Variants in DTNA observed in about 807,000 individuals in gnomAD.
The protein encoded by DTNA is dystrophin-related protein 3.
In DTNA, 43 loss-of-function variants were observed where a neutral mutation model predicts 100.7. The observed-to-expected ratio is 0.43, with a 90% CI of 0.33 to 0.55. The LOEUF (loss-of-function observed/expected upper bound fraction) is 0.55. DTNA is among the 20% of genes least tolerant of loss of function. The pLI, the probability that DTNA is intolerant of heterozygous loss-of-function variation, is 0.04. For synonymous variants in DTNA, 349 were observed against 347.9 expected (o/e 1.00, Z -0.04); for missense variants, 798 against 953.9 (o/e 0.84, Z 2.15).
intron 1 of DTNA, among the ~76,000 whole-genome samples, chr18:34,506,971 G>A (rs183892585): frequency 6.4e-4 from 97 of 152,246 alleles, no homozygotes; most frequent in Non-Finnish European, 1.2e-3. Context: ...GATTCTCAGA[G>A]GATAAACCTC....
chr18:34,862,956 A>G (rs917922910), intron 16 of DTNA, among the ~76,000 whole-genome samples: 3 of 152,346 alleles, frequency 2.0e-5, no homozygotes, highest in Middle Eastern at 3.4e-3. Flanking sequence ...AGTTTCATTT[A>G]ATATGCTATC....
At chr18:34,493,770 G>T (rs1057055217) in intron 1 of DTNA, 1 of 148,864 alleles carries the variant, frequency 6.7e-6, no homozygotes, top group Non-Finnish European at 1.5e-5. Flanking sequence ...GGCAGGCGCC[G>T]CGCACCGAGC....
At chr18:34,611,646 CAG>C (rs2054231618) in intron 1 of DTNA, among the ~76,000 whole-genome samples, 1 of 152,124 alleles carries the variant, frequency 6.6e-6, no homozygotes, top group Non-Finnish European at 1.5e-5. Context: ...AGAAGGGGCA[CAG>C]GGGGAAAACA....
chr18:34,660,980 G>T, intron 1 of DTNA, among the ~76,000 whole-genome samples: 1 of 152,072 alleles, frequency 6.6e-6, no homozygotes, highest in East Asian at 1.9e-4. Context: ...ACTGACCATT[G>T]CCCACTCATA....
In DTNA at chr18:34,589,718, C is replaced by G. The variant is rs73428114; in HGVS notation, c.-2+96204C>G. 5.8e-3 allele frequency among the ~76,000 whole-genome samples: 888 copies of G among 152,324 alleles called. 12 individuals are homozygous for G. Among genetic ancestry groups the G allele is most frequent in the African/African-American group, 0.02 (841 of 41,574 alleles). ...AGTCTTTGTTCTATATGCTAAATCT[C>G]TACGCTTAACTATATAACTCTCTTT... On this transcript the variant is annotated intron_variant, in intron 1 of 19. Transcript: ENST00000283365.
At chr18:34,679,722 A>G (rs1201875460) in intron 1 of DTNA, 1 of 152,166 alleles carries the variant, frequency 6.6e-6, no homozygotes, top group African/African-American at 2.4e-5. Flanking sequence ...AGATGGCTAA[A>G]TAAATATTAT....
chr18:34,724,183 T>C (rs2086047208), intron 1 of DTNA, among the ~76,000 whole-genome samples: 1 of 152,234 alleles, frequency 6.6e-6, no homozygotes, highest in Non-Finnish European at 1.5e-5. Context: ...GACTTGACAA[T>C]AATTATGCCC....
At chr18:34,785,677 T>C (rs563992013) in intron 3 of DTNA, among the ~76,000 whole-genome samples, 1 of 152,328 alleles carries the variant, frequency 6.6e-6, no homozygotes, top group Admixed American at 6.5e-5. Flanking sequence ...TCCCATTGTA[T>C]ACCTCTGAAT....
At chr18:34,590,885 TACTC>T (rs1380393292) in intron 1 of DTNA, among the ~76,000 whole-genome samples, 1 of 152,178 alleles carries the variant, frequency 6.6e-6, no homozygotes, top group Non-Finnish European at 1.5e-5. Context: ...AAAATGATTG[TACTC>T]ACTCACACTT....
At chr18:34,624,211 G>A (rs2056982152) in intron 1 of DTNA, among the ~76,000 whole-genome samples, 1 of 152,116 alleles carries the variant, frequency 6.6e-6, no homozygotes, top group South Asian at 2.1e-4. Context: ...ATGATACAAT[G>A]AAAATTCAAT....
At chr18:34,673,027 T>A (rs927686760) in intron 1 of DTNA, among the ~76,000 whole-genome samples, 1 of 152,184 alleles carries the variant, frequency 6.6e-6, no homozygotes, top group African/African-American at 2.4e-5. Context: ...TCTCTTGATC[T>A]ATTTTTAATA....
chr18:34,666,494 C>T (rs1700015306), intron 1 of DTNA, among the ~76,000 whole-genome samples: 1 of 151,908 alleles, frequency 6.6e-6, no homozygotes. Context: ...GAAGTCCTTG[C>T]CCATGCCTAT....
rs190234012 is a variant in DTNA, at chr18:34,783,374, A to T, written c.149-10663A>T. On this transcript the variant is annotated intron_variant, in intron 3 of 22. Coordinates refer to ENST00000444659, the MANE Select transcript of DTNA (RefSeq NM_001386795.1). ...GCCTGTGAAGATTGGCATGATATTC[A>T]ATTTGATTTTACACCAAAAATATGT... 2.0e-5 allele frequency among the ~76,000 whole-genome samples: 3 copies of T among 152,370 alleles called. No homozygotes were observed. The East Asian group carries it at 5.8e-4, about 29-fold the overall frequency.
At chr18:34,879,503 A>G in intron 19 of DTNA, 48 bp from the exon 20 acceptor site, 1 of 1,602,922 alleles carries the variant, frequency 6.2e-7, no homozygotes, top group South Asian at 1.1e-5. Context: ...TGCAGGTCAT[A>G]AAAAAATCTA....
chr18:34,876,270 C>T (rs2096816885), intron 18 of DTNA, among the ~76,000 whole-genome samples: 1 of 152,018 alleles, frequency 6.6e-6, no homozygotes, highest in South Asian at 2.1e-4. Flanking sequence ...TAACATTCTT[C>T]GAAGTCTTCA....
intron 17 of DTNA, among the ~76,000 whole-genome samples, 186 bp downstream of exon 17, chr18:34,864,248 CT>C (rs555273655): frequency 0.012 from 1,586 of 127,416 alleles, 24 homozygotes; most frequent in African/African-American, 0.041. Context: ...AGAACACATT[CT>C]TTTTTTTTTT....
At chr18:34,758,975 G>T (rs1309537370) in intron 2 of DTNA, among the ~76,000 whole-genome samples, 1 of 152,082 alleles carries the variant, frequency 6.6e-6, no homozygotes, top group Non-Finnish European at 1.5e-5. Context: ...GGAAGAAACA[G>T]CAAAGAAATG....
At chr18:34,736,413 A>T (rs2089601118) in intron 1 of DTNA, among the ~76,000 whole-genome samples, 1 of 152,202 alleles carries the variant, frequency 6.6e-6, no homozygotes, top group Non-Finnish European at 1.5e-5. Context: ...TACATTTCCC[A>T]TTTATATTAT....
chr18:34,745,462 A>G lies in DTNA; in HGVS notation c.-1-10514A>G, dbSNP rs17668241. 2.8e-3 allele frequency among the ~76,000 whole-genome samples: 430 copies of G among 152,292 alleles called. 9 individuals carry two copies. In the East Asian group the frequency reaches 0.038, roughly 14 times the overall value. ...CTCTTTCTAATATCTTCAAAAACAA[A>G]CAATGGTTTAGAATTCTTTAAGCAC... is the stretch of plus-strand genomic sequence containing the variant. On this transcript the variant is annotated intron_variant, in intron 1 of 22. Coordinates refer to ENST00000444659, the MANE Select transcript of DTNA (RefSeq NM_001386795.1).
Sources: gnomAD v4.1 joint callset for allele counts (sites outside exome capture counted in the v4.1 genomes callset) on GRCh38, gnomAD v4.1.1 for gene constraint, MANE v1.5 for transcripts, NCBI Gene and HGNC (gene_info 2026-07-23, HGNC 2026-07-21) for gene names.